MEGF6: variants seen among roughly 807,000 people sequenced by gnomAD.
MEGF6 encodes the protein multiple epidermal growth factor-like domains protein 6.
A neutral mutation model predicts 207.1 loss-of-function variants in MEGF6; 184 were observed. That is an observed-to-expected ratio of 0.89 (90% CI 0.79 to 1.00). The LOEUF is 1.00. MEGF6 is among the 50% of genes least tolerant of loss of function. The pLI is 0.00. For synonymous variants in MEGF6, 1,038 were observed against 910.0 expected (o/e 1.14, Z -2.53); for missense variants, 2,282 against 2,202.9 (o/e 1.04, Z -0.72).
intron 4 of MEGF6, among the ~76,000 whole-genome samples, chr1:3,541,267 G>C (rs1409247320): frequency 6.6e-6 from 1 of 152,184 alleles, no homozygotes; most frequent in African/African-American, 2.4e-5. Context: ...ATGGAGTGTG[G>C]GTCGCACAGG....
rs780403162 is a variant in MEGF6 at position 3,498,691 on chromosome 1, C to T, written c.3223+7G>A. 7.7e-6 allele frequency: 12 copies of T among 1,559,686 alleles called. No individual in the cohort carries two copies. The highest frequency in any genetic ancestry group is 2.7e-5 in the African/African-American group (2 of 73,788). ...GGTATGTCCCTCCTCTGCCGCCCAG[C>T]GCTCACCCTTCTCACAGGCCAGGCC... On this transcript the variant is annotated splice_region_variant and intron_variant, in intron 25 of 36. Transcript: ENST00000356575.
chr1:3,622,713 G>A, the MEGF6 span, among the ~76,000 whole-genome samples: 336 of 152,274 alleles, frequency 2.2e-3, no homozygotes, highest in African/African-American at 5.9e-3. Flanking sequence ...GGGCTGCAGA[G>A]GGAGCATGGC....
At chr1:3,503,410 C>T (rs1640980619) in intron 17 of MEGF6, among the ~76,000 whole-genome samples, 1 of 152,028 alleles carries the variant, frequency 6.6e-6, no homozygotes, top group Non-Finnish European at 1.5e-5. Flanking sequence ...ACTCGGATGT[C>T]ATCGCCTGTG....
rs1320152742 is a variant in MEGF6, at chr1:3,594,160, G to T, written c.376+1178C>A. On this transcript the variant is annotated intron_variant, in intron 3 of 36. Transcript: ENST00000356575. This position sits in a 1 kb window ranked among gnomAD's most constrained non-coding sequence, Gnocchi z 4.2. ...GTGGAGCGTGCTGGCGGGACATGGT[G>T]GCTCACACCTGTAATCCCAGCACTT... 6.6e-6 allele frequency among the ~76,000 whole-genome samples: 1 copy of T among 152,214 alleles called. No homozygotes were observed. The highest frequency in any genetic ancestry group is 1.5e-5 in the Non-Finnish European group (1 of 68,036).
intron 26 of MEGF6, among the ~76,000 whole-genome samples, chr1:3,498,114 G>A (rs144169218): frequency 6.6e-6 from 1 of 152,270 alleles, no homozygotes; most frequent in Non-Finnish European, 1.5e-5. Context: ...AGCATCCTCC[G>A]TTCCACCCAC....
chr1:3,556,389 C>T lies in MEGF6; in HGVS notation c.481+23436G>A, dbSNP rs543306373. On this transcript the variant is annotated intron_variant, in intron 4 of 36. Transcript: ENST00000356575. The surrounding 1 kb of genome is among the most constrained non-coding windows in gnomAD (Gnocchi z 4.4). ...TGAAGTTTCATGGTAAGTGGCGCAT[C>T]CAAAACCGCCGGCTGGCTGAACCAA... 1.4e-4 allele frequency among the ~76,000 whole-genome samples: 22 copies of T among 152,346 alleles called. No individual in the cohort carries two copies. Among genetic ancestry groups the T allele is most frequent in the African/African-American group, 5.1e-4 (21 of 41,564 alleles).
chr1:3,537,701 T>C (rs1258511191), intron 4 of MEGF6, among the ~76,000 whole-genome samples: 1 of 152,192 alleles, frequency 6.6e-6, no homozygotes, highest in Non-Finnish European at 1.5e-5. Flanking sequence ...AAGTGTGAGA[T>C]TCTTGGTCCT....
intron 4 of MEGF6, among the ~76,000 whole-genome samples, chr1:3,535,418 A>G (rs1417963309): frequency 6.6e-6 from 1 of 152,162 alleles, no homozygotes. Context: ...TCTGACAGGC[A>G]GCAGGGAGGC....
chr1:3,534,163 C>T (rs1441020182), intron 4 of MEGF6, among the ~76,000 whole-genome samples: 1 of 152,158 alleles, frequency 6.6e-6, no homozygotes, highest in Non-Finnish European at 1.5e-5. Context: ...TGCACCGTGG[C>T]TTGTCCCAGT....
intron 4 of MEGF6, among the ~76,000 whole-genome samples, chr1:3,542,237 T>C (rs1371415910): frequency 6.6e-6 from 1 of 152,252 alleles, no homozygotes; most frequent in Non-Finnish European, 1.5e-5. Context: ...CACCCGGCCC[T>C]GGAGGCCAAA....
At position 3,496,698 on chromosome 1, in the gene MEGF6, G is replaced by A. The variant is rs1640617701; in HGVS notation, c.3699C>T (p.Ala1233=). The A allele has an allele frequency of 1.3e-6, 2 of 1,561,026 alleles. No homozygotes were observed. The highest frequency in any genetic ancestry group is 2.7e-5 in the African/African-American group (2 of 73,442). ...NGGSCDAATG[A]CRCPTGFLGT... ...CGAGGAACCCAGTGGGGCAGCGGCA[G>A]GCCCCCGTGGCCGCATCACAGGAGC... Residue 1233 remains alanine (A), a synonymous_variant, in exon 29 of 37, where the codon GCC becomes GCT. Coordinates refer to ENST00000356575, the MANE Select transcript of MEGF6 (RefSeq NM_001409.4).
intron 5 of MEGF6, among the ~76,000 whole-genome samples, chr1:3,522,256 A>C (rs1180078870): frequency 6.6e-6 from 1 of 152,170 alleles, no homozygotes; most frequent in Non-Finnish European, 1.5e-5. Flanking sequence ...CACGCAGGCG[A>C]GAGTCTCACC....
intron 1 of MEGF6, among the ~76,000 whole-genome samples, chr1:3,604,861 G>T (rs1374951742): frequency 1.3e-5 from 2 of 152,044 alleles, no homozygotes; most frequent in Non-Finnish European, 2.9e-5. Flanking sequence ...CAGGGACAGA[G>T]GGTCACGTCT....
chr1:3,494,866 T>G, intron 30 of MEGF6, 125 bp from the exon 31 acceptor site: 8 of 1,376,010 alleles, frequency 5.8e-6, no homozygotes, highest in Non-Finnish European at 6.7e-6. Context: ...TGCCAGTCTC[T>G]GCCTGCTGGG....
At chr1:3,593,988 C>A (rs558236811) in intron 3 of MEGF6, among the ~76,000 whole-genome samples, 30 of 152,330 alleles carry the variant, frequency 2.0e-4, no homozygotes, top group Non-Finnish European at 4.1e-4. Context: ...GGACGGGCAA[C>A]TTCAGCCCCG....
At chr1:3,555,406 T>C (rs1330398082) in intron 4 of MEGF6, among the ~76,000 whole-genome samples, 1 of 152,166 alleles carries the variant, frequency 6.6e-6, no homozygotes, top group Non-Finnish European at 1.5e-5. Flanking sequence ...CAAGCCGCTC[T>C]GGGCCTCCAC....
chr1:3,490,967 GGA>G lies in MEGF6; in HGVS notation c.4517-10_4517-9del, dbSNP rs1454239809. 1 of 1,595,554 alleles carries G rather than the reference GGA, an allele frequency of 6.3e-7. No homozygotes were observed. The highest frequency in any genetic ancestry group is 8.5e-7 in the Non-Finnish European group (1 of 1,174,120). ...GGAGCCGGAGGGGCCCACCTGGAGG[GGA>G]GAGAGAGCAGGCCATGTTAGTACCC... On this transcript the variant is annotated splice_polypyrimidine_tract_variant and intron_variant, in intron 35 of 36. Transcript: ENST00000356575.
At chr1:3,561,744 G>T (rs902638189) in intron 4 of MEGF6, among the ~76,000 whole-genome samples, 1 of 152,198 alleles carries the variant, frequency 6.6e-6, no homozygotes, top group African/African-American at 2.4e-5. Context: ...CGGGGCACAC[G>T]GCAGGGAAGC....
At chr1:3,610,640 T>C (rs1644312925) in intron 1 of MEGF6, among the ~76,000 whole-genome samples, 2 of 152,242 alleles carry the variant, frequency 1.3e-5, no homozygotes, top group Admixed American at 6.5e-5. Flanking sequence ...TGGCACTCAG[T>C]TCCTTCTCCA....
Sources: allele counts gnomAD v4.1 joint callset (sites outside exome capture counted in the v4.1 genomes callset), GRCh38; gene constraint gnomAD v4.1.1; non-coding constraint Gnocchi (gnomAD v3.1); transcripts MANE v1.5; gene names NCBI Gene and HGNC (gene_info 2026-07-23, HGNC 2026-07-21).